Variants in SYT16 observed in about 807,000 individuals in gnomAD.
SYT16 encodes the protein synaptotagmin-16.
SYT16 carries 42 observed loss-of-function variants against 61.4 expected under a neutral mutation model. The ratio of observed to expected loss-of-function variants is 0.68; its 90% confidence interval spans 0.53 to 0.89. SYT16 has a LOEUF of 0.89. Ranked by LOEUF, SYT16 falls within the 40% of genes least tolerant of loss-of-function variation. SYT16 has a pLI of 0.00. For missense variants in SYT16, 804 were observed against 807.3 expected (o/e 1.00, Z 0.05); for synonymous variants, 314 against 302.3 (o/e 1.04, Z -0.40).
chr14:61,993,770 G>C (rs747561765), intron 2 of SYT16, among the ~76,000 whole-genome samples: 36 of 152,160 alleles, frequency 2.4e-4, no homozygotes, highest in Non-Finnish European at 4.6e-4. Context: ...CTTTTTAACA[G>C]TTCTGGATAG....
At chr14:61,882,671 C>A (rs2047743391) in intron 1 of SYT16, among the ~76,000 whole-genome samples, 1 of 152,188 alleles carries the variant, frequency 6.6e-6, no homozygotes, top group Non-Finnish European at 1.5e-5. Context: ...TCCCCCAGAT[C>A]TTAGCTCATT....
chr14:62,022,011 A>G (rs1182888390), intron 3 of SYT16, among the ~76,000 whole-genome samples: 1 of 151,770 alleles, frequency 6.6e-6, no homozygotes, highest in African/African-American at 2.4e-5. Context: ...TGGGTTCAAT[A>G]AAAGTTATAA....
In SYT16 at chr14:61,824,729, CCTTTA is replaced by C. The variant is rs1245542266; in HGVS notation, c.-325+11923_-325+11927del. Among the ~76,000 whole-genome samples the C allele has an allele frequency of 2.6e-5, 4 of 152,294 alleles. No individual in the cohort carries two copies. In the East Asian group the frequency reaches 7.7e-4, roughly 29 times the overall value. On this transcript the variant is annotated intron_variant, in intron 1 of 7. Coordinates refer to ENST00000683842, the MANE Select transcript of SYT16 (RefSeq NM_001367656.1). ...CTGCCATTTTTTTCCTGCATCCCATCCTTTACTTCAGCAGTTCCCAGAGTGTGAAC... is the reference window on the plus strand; with the variant it reads ...CTGCCATTTTTTTCCTGCATCCCATCCTTCAGCAGTTCCCAGAGTGTGAAC...
At chr14:61,887,186 T>A (rs2140329753) in intron 1 of SYT16, among the ~76,000 whole-genome samples, 1 of 152,362 alleles carries the variant, frequency 6.6e-6, no homozygotes, top group African/African-American at 2.4e-5. Context: ...TGACAAGGTG[T>A]ACTATCAGTG....
chr14:62,099,110 C>T (rs1323676723), intron 7 of SYT16, among the ~76,000 whole-genome samples: 1 of 152,152 alleles, frequency 6.6e-6, no homozygotes, highest in African/African-American at 2.4e-5. Flanking sequence ...AGACAGTCTA[C>T]ACCAAGAAAT....
rs565115823 is a variant in SYT16, at chr14:62,047,861, A to G, written c.524-21742A>G. 3.3e-5 allele frequency among the ~76,000 whole-genome samples: 5 copies of G among 152,196 alleles called. No individual in the cohort carries two copies. The South Asian group carries it at 8.3e-4, about 25-fold the overall frequency. ...TGGTGGATAAGCTTTTTGATGTACT[A>G]CTGGATTCGGTTTGCCAGTATTTTA... On this transcript the variant is annotated intron_variant, in intron 3 of 7. Transcript: ENST00000683842.
At chr14:61,998,300 A>T (rs747967099) in intron 3 of SYT16, among the ~76,000 whole-genome samples, 1 of 152,046 alleles carries the variant, frequency 6.6e-6, no homozygotes, top group Non-Finnish European at 1.5e-5. Context: ...CAACCAAAGT[A>T]TAAAATGGTT....
chr14:62,020,366 A>G (rs971779324), intron 3 of SYT16, among the ~76,000 whole-genome samples: 1 of 152,048 alleles, frequency 6.6e-6, no homozygotes, highest in Non-Finnish European at 1.5e-5. Flanking sequence ...CATCTTTGTC[A>G]CTTAATTTTA....
chr14:61,879,038 A>T (rs1343702442), intron 1 of SYT16, among the ~76,000 whole-genome samples: 1 of 152,090 alleles, frequency 6.6e-6, no homozygotes, highest in Non-Finnish European at 1.5e-5. Context: ...GCTATGAATA[A>T]TCTTTTATAT....
At chr14:62,009,344 A>G (rs974276509) in intron 3 of SYT16, among the ~76,000 whole-genome samples, 4 of 152,182 alleles carry the variant, frequency 2.6e-5, no homozygotes, top group Admixed American at 6.6e-5. Context: ...TCATGGGTTC[A>G]TGGACCTCCT....
intron 1 of SYT16, among the ~76,000 whole-genome samples, chr14:61,827,573 G>C (rs1337216766): frequency 1.3e-5 from 2 of 152,162 alleles, no homozygotes; most frequent in Non-Finnish European, 2.9e-5. Context: ...GTCATTGATA[G>C]AATAATCAAT....
chr14:61,945,822 C>T (rs1196365940), intron 1 of SYT16, among the ~76,000 whole-genome samples: 1 of 125,208 alleles, frequency 8.0e-6, no homozygotes, highest in Non-Finnish European at 1.6e-5. Flanking sequence ...CGCCACTGCA[C>T]TCCAGCCTGG....
chr14:61,816,139 C>T, intron 1 of SYT16, among the ~76,000 whole-genome samples: 1 of 152,150 alleles, frequency 6.6e-6, no homozygotes, highest in East Asian at 1.9e-4. Context: ...GTCATTTTTG[C>T]CTGTTGCATC....
chr14:62,081,981 G>A lies in SYT16; in HGVS notation c.1434+707G>A, dbSNP rs142193484. ...GGATGCAGGAAAGAACTAAGCAGGCGATGCCTCTGCCCTTGGAGAGCTTGC... is the reference window on the plus strand; with the variant it reads ...GGATGCAGGAAAGAACTAAGCAGGCAATGCCTCTGCCCTTGGAGAGCTTGC... On this transcript the variant is annotated intron_variant, in intron 6 of 7. Coordinates refer to ENST00000683842, the MANE Select transcript of SYT16 (RefSeq NM_001367656.1). Among the ~76,000 whole-genome samples, 188 of 152,330 alleles carry A rather than the reference G, an allele frequency of 1.2e-3. 4 individuals are homozygous for A. The South Asian group carries it at 0.017, about 14-fold the overall frequency.
chr14:61,864,649 G>A (rs1462651812), intron 1 of SYT16, among the ~76,000 whole-genome samples: 2 of 152,260 alleles, frequency 1.3e-5, no homozygotes, highest in Non-Finnish European at 2.9e-5. Context: ...GAATGAGTGC[G>A]GTACTCTCAG....
At chr14:62,057,901 C>T (rs1435842223) in intron 3 of SYT16, among the ~76,000 whole-genome samples, 1 of 152,142 alleles carries the variant, frequency 6.6e-6, no homozygotes, top group African/African-American at 2.4e-5. Flanking sequence ...TTACATCACT[C>T]CAAAAATTTC....
At chr14:62,073,376 C>T (rs1176076652) in intron 4 of SYT16, among the ~76,000 whole-genome samples, 2 of 152,072 alleles carry the variant, frequency 1.3e-5, no homozygotes, top group East Asian at 1.9e-4. Context: ...TTTTCCTGTT[C>T]GCATATGTGA....
In SYT16 at chr14:62,080,929, C is replaced by A. The variant is rs775947862; in HGVS notation, c.1089C>A (p.Ala363=). 1 of 1,609,806 alleles carries A rather than the reference C, an allele frequency of 6.2e-7. No homozygotes were observed. The highest frequency in any genetic ancestry group is 2.2e-5 in the East Asian group (1 of 44,756). The change falls in exon 6 of 8, where the codon GCC becomes GCA. Residue 363 remains alanine, a synonymous_variant. Transcript: ENST00000683842. ...DLDVIFEYRA[A]SQKLTVTIVR... ...ATGTCATCTTTGAATATAGAGCCGC[C>A]AGCCAGAAGCTCACAGTGACCATTG...
intron 3 of SYT16, among the ~76,000 whole-genome samples, chr14:62,004,456 G>A (rs1046519587): frequency 2.6e-5 from 4 of 152,090 alleles, no homozygotes; most frequent in East Asian, 1.9e-4. Flanking sequence ...GAGGGAAACC[G>A]TATAATCCTG....
Sources: allele counts gnomAD v4.1 joint callset (sites outside exome capture counted in the v4.1 genomes callset), GRCh38; gene constraint gnomAD v4.1.1; transcripts MANE v1.5; gene names NCBI Gene and HGNC (gene_info 2026-07-23, HGNC 2026-07-21).